ZNF407: variants seen among roughly 807,000 people sequenced by gnomAD.
ZNF407 encodes zinc finger protein 407.
In ZNF407, 17 loss-of-function variants were observed where a neutral mutation model predicts 131.2. The ratio of observed to expected loss-of-function variants is 0.13; its 90% CI spans 0.09 to 0.19. The LOEUF is 0.19. ZNF407 is among the 10% of genes least tolerant of loss of function. The pLI, the probability that ZNF407 is intolerant of heterozygous loss-of-function variation, is 1.00. For missense variants in ZNF407, 2,681 were observed against 2,830.6 expected, an observed-to-expected ratio of 0.95 and a Z score of 1.20; for synonymous variants, 1,156 against 1,062.0, an observed-to-expected ratio of 1.09 and a Z score of -1.72.
intron 3 of ZNF407, among the ~76,000 whole-genome samples, chr18:74,645,894 G>A (rs1173827241): frequency 3.3e-5 from 5 of 152,072 alleles, no homozygotes; most frequent in Non-Finnish European, 4.4e-5. Flanking sequence ...TAATCATTAC[G>A]TGCATTAGCA....
rs1984265048 is a variant in ZNF407 at position 74,633,699 on chromosome 18, A to G, written c.2680A>G (p.Met894Val). 2 of 1,613,924 alleles carry G rather than the reference A, an allele frequency of 1.2e-6. No individual in the cohort carries two copies. The highest frequency in any genetic ancestry group is 1.1e-5 in the South Asian group (1 of 91,094). Residue 894 changes from methionine (M) to valine (V), a missense_variant, in exon 2 of 9, where the codon ATG (methionine) becomes GTG (valine). By Grantham distance (21) the Met-to-Val change is conservative. Transcript: ENST00000299687. ...CKYYTVTKGD[M>V]ERHCATKKHK... ...GTATTACACTGTAACTAAGGGAGATATGGAACGTCATTGTGCCACCAAGAA... is the reference window on the plus strand; with the variant it reads ...GTATTACACTGTAACTAAGGGAGATGTGGAACGTCATTGTGCCACCAAGAA...
At chr18:74,860,782 T>C (rs1477249651) in intron 4 of ZNF407, among the ~76,000 whole-genome samples, 1 of 152,138 alleles carries the variant, frequency 6.6e-6, no homozygotes, top group African/African-American at 2.4e-5. Flanking sequence ...TTTTTAGGAC[T>C]GTGATAAGTC....
Position 74,632,498 on chromosome 18 carries a change from C to A in ZNF407, c.1479C>A (p.Thr493=), listed in dbSNP as rs774023666. The change falls in exon 2 of 9, where the codon ACC becomes ACA. Residue 493 remains threonine (T), a synonymous_variant. Transcript: ENST00000299687. The part of the protein sequence containing the change: ...CSSVQRVCVT[T]SETQEAEQGQ... ...GTGTGCAGAGAGTGTGTGTGACTAC[C>A]TCAGAAACCCAGGAGGCAGAGCAGG... The A allele has an allele frequency of 2.5e-6, 4 of 1,613,894 alleles. No individual in the cohort carries two copies. In the African/African-American group the frequency reaches 5.3e-5, roughly 22 times the overall value.
At chr18:74,730,920 A>C (rs1968280321) in intron 3 of ZNF407, among the ~76,000 whole-genome samples, 1 of 152,210 alleles carries the variant, frequency 6.6e-6, no homozygotes, top group Non-Finnish European at 1.5e-5. Flanking sequence ...TTTGATGTTG[A>C]ACAATATTTT....
intron 4 of ZNF407, among the ~76,000 whole-genome samples, chr18:74,801,675 G>T (rs1307245632): frequency 6.6e-6 from 1 of 152,168 alleles, no homozygotes; most frequent in Non-Finnish European, 1.5e-5. Context: ...CTTGGTTGGT[G>T]TGCATTTGCT....
At chr18:74,821,918 C>T (rs1382112259) in intron 4 of ZNF407, among the ~76,000 whole-genome samples, 3 of 152,208 alleles carry the variant, frequency 2.0e-5, no homozygotes, top group African/African-American at 7.2e-5. Flanking sequence ...TTCTTCACAT[C>T]CTCTCCAGCA....
chr18:74,765,597 T>C (rs1486591405), intron 3 of ZNF407, among the ~76,000 whole-genome samples: 1 of 152,168 alleles, frequency 6.6e-6, no homozygotes, highest in Admixed American at 6.5e-5. Flanking sequence ...CCAAACACTA[T>C]TTTTTTCTTT....
chr18:74,823,384 G>A (rs1970367756), intron 4 of ZNF407, among the ~76,000 whole-genome samples: 1 of 152,092 alleles, frequency 6.6e-6, no homozygotes, highest in Admixed American at 6.6e-5. Flanking sequence ...ATGTAAAAGG[G>A]CTAAATGCCC....
At position 74,849,052 on chromosome 18, in the gene ZNF407, C is replaced by CTTTTTTTTTTTTT. The variant is rs35529971; in HGVS notation, c.4878-28143_4878-28131dup. Among the ~76,000 whole-genome samples, 145 of 122,794 alleles carry CTTTTTTTTTTTTT rather than the reference C, an allele frequency of 1.2e-3. 1 individual carries two copies. Among genetic ancestry groups the CTTTTTTTTTTTTT allele is most frequent in the Middle Eastern group, 4.7e-3 (1 of 212 alleles). 80.6% of individuals were successfully genotyped at this position (122,794 alleles called of 152,430 possible). On this transcript the variant is annotated intron_variant, in intron 4 of 8. Transcript: ENST00000299687. Reference sequence around the variant, plus strand: ...TGGTGACTTTGGGCTACTTTTGTTTCTTTTTTTTTTTTTTATTTTTTATTT... The same window carrying CTTTTTTTTTTTTT: ...TGGTGACTTTGGGCTACTTTTGTTTCTTTTTTTTTTTTTTTTTTTTTTTTTTTATTTTTTATTT...
At chr18:74,713,209 C>G (rs755758822) in intron 3 of ZNF407, among the ~76,000 whole-genome samples, 1 of 151,972 alleles carries the variant, frequency 6.6e-6, no homozygotes, top group Admixed American at 6.6e-5. Flanking sequence ...AAGGAACACA[C>G]CAGGGGTTTG....
chr18:74,789,810 A>G (rs772673341), intron 4 of ZNF407, among the ~76,000 whole-genome samples: 7 of 149,258 alleles, frequency 4.7e-5, no homozygotes, highest in Non-Finnish European at 8.9e-5. Context: ...AACCTTTTTA[A>G]TCCTGTTTTA....
chr18:74,871,731 C>T, intron 4 of ZNF407, among the ~76,000 whole-genome samples: 1 of 151,812 alleles, frequency 6.6e-6, no homozygotes, highest in East Asian at 1.9e-4. Flanking sequence ...AAAGACTGGT[C>T]CAAGTTATCA....
At chr18:75,014,068 G>C (rs1036313185) in intron 8 of ZNF407, among the ~76,000 whole-genome samples, 7 of 152,106 alleles carry the variant, frequency 4.6e-5, no homozygotes, top group African/African-American at 1.4e-4. Flanking sequence ...GAATTGGGCA[G>C]TTTGGGGTAG....
chr18:74,750,706 A>C (rs762050786), intron 3 of ZNF407, among the ~76,000 whole-genome samples: 14 of 152,066 alleles, frequency 9.2e-5, no homozygotes, highest in Non-Finnish European at 1.9e-4. Flanking sequence ...GTGGACATAA[A>C]TTTTCAGTTT....
intron 3 of ZNF407, among the ~76,000 whole-genome samples, chr18:74,695,880 T>G (rs1336732306): frequency 6.6e-6 from 1 of 152,212 alleles, no homozygotes; most frequent in Admixed American, 6.6e-5. Flanking sequence ...AAAGAAGAGA[T>G]CTACATAAAT....
In ZNF407 at chr18:74,918,132, G is replaced by C. The variant is rs529869721; in HGVS notation, c.5250-2382G>C. Among the ~76,000 whole-genome samples, 5 of 152,270 alleles carry C rather than the reference G, an allele frequency of 3.3e-5. No individual in the cohort carries two copies. In the East Asian group the frequency reaches 9.6e-4, roughly 29 times the overall value. On this transcript the variant is annotated intron_variant, in intron 7 of 8. Coordinates refer to ENST00000299687, the MANE Select transcript of ZNF407 (RefSeq NM_017757.3). ...TCAGATGTTTTCCTGTGTTATTTCA[G>C]ACATGACCCAGAGCTGTTACTCTAA... is the stretch of plus-strand genomic sequence containing the variant.
chr18:74,759,516 T>C (rs1969043523), intron 3 of ZNF407, among the ~76,000 whole-genome samples: 1 of 152,072 alleles, frequency 6.6e-6, no homozygotes, highest in Non-Finnish European at 1.5e-5. Flanking sequence ...ATTTTTCCTC[T>C]TCCCCCTCTT....
intron 3 of ZNF407, among the ~76,000 whole-genome samples, chr18:74,647,184 T>C (rs1985010754): frequency 6.6e-6 from 1 of 152,114 alleles, no homozygotes; most frequent in South Asian, 2.1e-4. Context: ...GGCTCATGCC[T>C]GTAATCCCAG....
At chr18:75,013,460 A>G (rs1035224322) in intron 8 of ZNF407, among the ~76,000 whole-genome samples, 13 of 152,220 alleles carry the variant, frequency 8.5e-5, no homozygotes, top group African/African-American at 3.1e-4. Context: ...TCCTCTAATA[A>G]AAAAGGCCCC....
Sources: allele counts gnomAD v4.1 joint callset (sites outside exome capture counted in the v4.1 genomes callset), GRCh38; gene constraint gnomAD v4.1.1; transcripts MANE v1.5; gene names NCBI Gene and HGNC (gene_info 2026-07-23, HGNC 2026-07-21).